Variants in RANBP17 observed in about 807,000 individuals in gnomAD.
The protein encoded by RANBP17 is RAN binding protein 17.
A neutral mutation model predicts 141.2 loss-of-function variants in RANBP17; 158 were observed. That is an observed-to-expected ratio of 1.12 (90% CI 0.98 to 1.28). The LOEUF is 1.28. Among genes scored for constraint, RANBP17 ranks in the 50% most tolerant of loss-of-function variants. The pLI, the probability that RANBP17 is intolerant of heterozygous loss-of-function variation, is 0.00. For missense variants in RANBP17, 1,438 were observed against 1,290.7 expected (o/e 1.11, Z -1.75); for synonymous variants, 430 against 450.0 (o/e 0.96, Z 0.56).
At chr5:171,061,851 A>G (rs1456734858) in intron 14 of RANBP17, among the ~76,000 whole-genome samples, 1 of 152,162 alleles carries the variant, frequency 6.6e-6, no homozygotes, top group East Asian at 1.9e-4. Context: ...GTGCTCCTGT[A>G]TTGGGTGCAT....
intron 14 of RANBP17, among the ~76,000 whole-genome samples, chr5:171,022,908 G>A (rs1175716644): frequency 1.3e-5 from 2 of 152,218 alleles, no homozygotes; most frequent in African/African-American, 4.8e-5. Flanking sequence ...AGCCCCAGTG[G>A]TGTGGTTTTG....
At chr5:170,985,022 TACAC>T (rs746855493) in intron 14 of RANBP17, among the ~76,000 whole-genome samples, 1 of 139,426 alleles carries the variant, frequency 7.2e-6, no homozygotes, top group Non-Finnish European at 1.6e-5. Flanking sequence ...CATACACATA[TACAC>T]ACACAGACAC....
chr5:170,975,634 ACTTTTATAAGGGCAC>A (rs964376947), intron 14 of RANBP17, among the ~76,000 whole-genome samples: 13 of 152,324 alleles, frequency 8.5e-5, no homozygotes, highest in African/African-American at 2.2e-4. Context: ...GTTCTTTGCC[ACTTTTATAAGGGCAC>A]CTTTTATAAG....
intron 4 of RANBP17, among the ~76,000 whole-genome samples, chr5:170,893,804 AAAG>A (rs1463695086): frequency 2.0e-5 from 3 of 152,144 alleles, no homozygotes; most frequent in African/African-American, 7.2e-5. Flanking sequence ...AAAAAAAAAA[AAAG>A]AAAAATCCAT....
chr5:171,274,798 T>A (rs1767388942), intron 25 of RANBP17, among the ~76,000 whole-genome samples: 1 of 152,150 alleles, frequency 6.6e-6, no homozygotes, highest in African/African-American at 2.4e-5. Context: ...CCTAGTGTAG[T>A]CATAGACTGC....
chr5:171,122,089 A>G (rs758481753), intron 14 of RANBP17, among the ~76,000 whole-genome samples: 12 of 152,050 alleles, frequency 7.9e-5, no homozygotes, highest in South Asian at 2.1e-4. Context: ...TTTCCCTGCA[A>G]TAGGACCTCC....
intron 25 of RANBP17, among the ~76,000 whole-genome samples, chr5:171,278,932 G>C (rs1275874617): frequency 6.6e-6 from 1 of 152,080 alleles, no homozygotes; most frequent in African/African-American, 2.4e-5. Context: ...CGATATGCAG[G>C]TACCACTTTT....
At chr5:171,021,844 G>A (rs967787409) in intron 14 of RANBP17, among the ~76,000 whole-genome samples, 1 of 152,180 alleles carries the variant, frequency 6.6e-6, no homozygotes, top group Admixed American at 6.5e-5. Flanking sequence ...TTGGAGAAGA[G>A]TCACTCTGGC....
chr5:171,140,872 T>A (rs998582620), intron 14 of RANBP17, among the ~76,000 whole-genome samples: 1 of 152,170 alleles, frequency 6.6e-6, no homozygotes, highest in African/African-American at 2.4e-5. Context: ...CATGAAGACA[T>A]GAAAAGCTAT....
At chr5:171,080,136 A>G (rs1254941652) in intron 14 of RANBP17, among the ~76,000 whole-genome samples, 1 of 152,128 alleles carries the variant, frequency 6.6e-6, no homozygotes, top group Non-Finnish European at 1.5e-5. Context: ...CTCTGCCCAC[A>G]CACTTTATGC....
chr5:171,189,227 T>G (rs1761471019), intron 18 of RANBP17, among the ~76,000 whole-genome samples: 4 of 152,348 alleles, frequency 2.6e-5, no homozygotes, highest in African/African-American at 9.6e-5. Context: ...GTAGCTACCC[T>G]CATAGAACTT....
At chr5:170,921,855 T>C (rs558555809) in intron 11 of RANBP17, among the ~76,000 whole-genome samples, 1 of 152,234 alleles carries the variant, frequency 6.6e-6, no homozygotes, top group South Asian at 2.1e-4. Context: ...CTCCGTCCAG[T>C]TTTGTTCCCT....
chr5:171,065,992 C>G lies in RANBP17; in HGVS notation c.1710+97615C>G, dbSNP rs1784289895. ...TTTCCTGCCCCAGCCTCCTAAGTAGCTGAGATTACAGACGCCCACCACCAT... is the reference window on the plus strand; with the variant it reads ...TTTCCTGCCCCAGCCTCCTAAGTAGGTGAGATTACAGACGCCCACCACCAT... On this transcript the variant is annotated intron_variant, in intron 14 of 27. Coordinates refer to ENST00000523189, the MANE Select transcript of RANBP17 (RefSeq NM_022897.5). 4.0e-5 allele frequency among the ~76,000 whole-genome samples: 6 copies of G among 151,852 alleles called. 1 individual carries two copies. The South Asian group carries it at 1.3e-3, about 32-fold the overall frequency.
intron 14 of RANBP17, among the ~76,000 whole-genome samples, chr5:170,999,437 GTATA>G (rs904819217): frequency 2.6e-5 from 4 of 152,038 alleles, no homozygotes; most frequent in African/African-American, 9.7e-5. Flanking sequence ...ATTAGGCTGA[GTATA>G]TAATTACTGT....
intron 14 of RANBP17, among the ~76,000 whole-genome samples, chr5:171,095,392 G>A (rs1358465877): frequency 6.6e-6 from 1 of 152,102 alleles, no homozygotes; most frequent in Admixed American, 6.6e-5. Flanking sequence ...TACAGAAATA[G>A]GCTATAGACT....
At chr5:170,995,202 T>C (rs1235742207) in intron 14 of RANBP17, among the ~76,000 whole-genome samples, 1 of 152,128 alleles carries the variant, frequency 6.6e-6, no homozygotes, top group Non-Finnish European at 1.5e-5. Flanking sequence ...CGAGACATGT[T>C]GTATGCATAT....
chr5:171,251,643 G>C (rs886856503), intron 24 of RANBP17, among the ~76,000 whole-genome samples: 1 of 152,166 alleles, frequency 6.6e-6, no homozygotes, highest in African/African-American at 2.4e-5. Flanking sequence ...AAGTTTATAG[G>C]CTTGAGCGCC....
At chr5:171,278,797 G>C (rs1256290313) in intron 25 of RANBP17, among the ~76,000 whole-genome samples, 2 of 152,274 alleles carry the variant, frequency 1.3e-5, no homozygotes, top group East Asian at 3.9e-4. Flanking sequence ...ATAGACTTAA[G>C]TTTTATCAGA....
rs543510512 is a variant in RANBP17 at position 171,037,966 on chromosome 5, A to G, written c.1710+69589A>G. Among the ~76,000 whole-genome samples the G allele has an allele frequency of 5.3e-5, 8 of 152,156 alleles. No individual in the cohort carries two copies. The East Asian group carries it at 1.4e-3, about 26-fold the overall frequency. ...TTTTTTACTTCTGTGAAAAAATGGCATGGTAGTTTGATAGGAATAGTGTTG... is the reference window on the plus strand; with the variant it reads ...TTTTTTACTTCTGTGAAAAAATGGCGTGGTAGTTTGATAGGAATAGTGTTG... On this transcript the variant is annotated intron_variant, in intron 14 of 27. Transcript: ENST00000523189.
Sources: gnomAD v4.1 joint callset for allele counts (sites outside exome capture counted in the v4.1 genomes callset) on GRCh38, gnomAD v4.1.1 for gene constraint, MANE v1.5 for transcripts, NCBI Gene and HGNC (gene_info 2026-07-23, HGNC 2026-07-21) for gene names.